CEP63: variants seen among roughly 807,000 people sequenced by gnomAD.
CEP63 encodes the protein centrosomal protein 63, also known as centrosomal protein of 63 kDa.
CEP63 carries 84 observed loss-of-function variants against 89.1 expected under a neutral mutation model. That is an observed-to-expected ratio of 0.94 (90% CI 0.79 to 1.13). The LOEUF (loss-of-function observed/expected upper bound fraction) is 1.13, where lower values mean the gene tolerates loss of function less well. CEP63 is among the 50% of genes most tolerant of loss of function. CEP63 has a pLI of 0.00. For synonymous variants in CEP63, 267 were observed against 272.5 expected (o/e 0.98, Z 0.20); for missense variants, 838 against 813.3 (o/e 1.03, Z -0.37).
chr3:134,715,523 T>G, the CEP63 span, among the ~76,000 whole-genome samples: 4 of 21,680 alleles, frequency 1.8e-4, no homozygotes, highest in African/African-American at 3.0e-4. Flanking sequence ...AGGTTTTTTT[T>G]TTTTGTTTTT....
chr3:134,782,370 G>T, the CEP63 span, among the ~76,000 whole-genome samples: 1 of 152,154 alleles, frequency 6.6e-6, no homozygotes, highest in Non-Finnish European at 1.5e-5. Context: ...GTGAAAATCA[G>T]TCTACTCAAA....
the CEP63 span, among the ~76,000 whole-genome samples, chr3:134,707,118 C>A: frequency 1.3e-5 from 2 of 152,186 alleles, no homozygotes; most frequent in Non-Finnish European, 2.9e-5. Flanking sequence ...TCAAATTCCA[C>A]CATTCATTCA....
chr3:134,536,586 G>T (rs1456683288), intron 5 of CEP63: 1 of 157,966 alleles, frequency 6.3e-6, no homozygotes, highest in Non-Finnish European at 1.4e-5. Context: ...GATTTTCTTT[G>T]TTATTCAAAC....
chr3:134,678,383 T>C, the CEP63 span, among the ~76,000 whole-genome samples: 7 of 152,310 alleles, frequency 4.6e-5, no homozygotes, highest in Admixed American at 1.3e-4. Flanking sequence ...CACAACCCTC[T>C]GGACTTGTCT....
At chr3:134,555,107 T>C (rs1017354381) in intron 12 of CEP63, among the ~76,000 whole-genome samples, 1 of 151,568 alleles carries the variant, frequency 6.6e-6, no homozygotes, top group African/African-American at 2.4e-5. Context: ...AAATTAGGTA[T>C]TGATGGGACG....
Position 134,496,055 on chromosome 3 carries a change from C to T in CEP63, c.44+691C>T, listed in dbSNP as rs576007942. ...AACATGGGGGTACAAGTATCCCTTT[C>T]ACATACTGATTTCCTTTCCTTTGGA... On this transcript the variant is annotated intron_variant, in intron 2 of 14. Transcript: ENST00000675561. 4.6e-5 allele frequency among the ~76,000 whole-genome samples: 7 copies of T among 152,306 alleles called. No homozygotes were observed. The South Asian group carries it at 1.4e-3, about 32-fold the overall frequency.
At chr3:134,522,674 C>T (rs779124932) in intron 3 of CEP63, among the ~76,000 whole-genome samples, 1 of 152,126 alleles carries the variant, frequency 6.6e-6, no homozygotes, top group Non-Finnish European at 1.5e-5. Flanking sequence ...CATGCGTTCT[C>T]ATCACTTAGC....
chr3:134,643,409 G>A, the CEP63 span: 1 of 1,593,154 alleles, frequency 6.3e-7, no homozygotes, highest in Non-Finnish European at 8.6e-7. Context: ...GGCCTGCAGT[G>A]ACCACTGGGG....
chr3:134,776,404 A>ATT, the CEP63 span, among the ~76,000 whole-genome samples: 3 of 151,824 alleles, frequency 2.0e-5, no homozygotes, highest in South Asian at 6.2e-4. Context: ...AAGATACTTA[A>ATT]TTTTTTTTTC....
chr3:134,762,813 C>A, the CEP63 span, among the ~76,000 whole-genome samples: 1 of 152,168 alleles, frequency 6.6e-6, no homozygotes, highest in African/African-American at 2.4e-5. Context: ...CAAATGAATA[C>A]CAGGGACTCC....
intron 2 of CEP63, among the ~76,000 whole-genome samples, chr3:134,506,529 C>T (rs563835028): frequency 6.6e-6 from 1 of 152,186 alleles, no homozygotes; most frequent in African/African-American, 2.4e-5. Flanking sequence ...AAACATCAAT[C>T]TTGTGCTTAA....
chr3:134,639,755 G>A, the CEP63 span: 1 of 150,732 alleles, frequency 6.6e-6, no homozygotes, highest in East Asian at 1.9e-4. Flanking sequence ...AGACCATTCT[G>A]AGCAACATAG....
the CEP63 span, among the ~76,000 whole-genome samples, chr3:134,711,186 G>T: frequency 6.6e-6 from 1 of 152,156 alleles, no homozygotes; most frequent in South Asian, 2.1e-4. Context: ...CAACTAAACA[G>T]ATTACTGTTC....
chr3:134,644,199 T>G, the CEP63 span, among the ~76,000 whole-genome samples: 1 of 152,106 alleles, frequency 6.6e-6, no homozygotes, highest in Admixed American at 6.5e-5. Flanking sequence ...CGGGATGATG[T>G]GTAGTTTGGT....
At chr3:134,648,115 CT>C in the CEP63 span, among the ~76,000 whole-genome samples, 1 of 152,236 alleles carries the variant, frequency 6.6e-6, no homozygotes, top group Non-Finnish European at 1.5e-5. Context: ...GGTCGAGTTC[CT>C]GGCACAGCAT....
the CEP63 span, among the ~76,000 whole-genome samples, chr3:134,738,658 C>T: frequency 6.6e-6 from 1 of 152,122 alleles, no homozygotes; most frequent in Non-Finnish European, 1.5e-5. Flanking sequence ...ACTACAAATA[C>T]AGTGCAGTGT....
chr3:134,705,098 C>T, the CEP63 span, among the ~76,000 whole-genome samples: 2 of 152,116 alleles, frequency 1.3e-5, no homozygotes, highest in Admixed American at 1.3e-4. Flanking sequence ...GCTAAGGGTC[C>T]CCAACCCTTT....
At chr3:134,724,359 G>A in the CEP63 span, among the ~76,000 whole-genome samples, 1 of 152,226 alleles carries the variant, frequency 6.6e-6, no homozygotes, top group Non-Finnish European at 1.5e-5. Context: ...GAGTTGGGAT[G>A]TATTTAGTTT....
At chr3:134,565,112 T>C (rs984283602), downstream of CEP63, 1 of 265,786 alleles carries the variant, frequency 3.8e-6, no homozygotes, top group Non-Finnish European at 5.8e-6. Context: ...GATTAGGGAT[T>C]TGTAGTCTAC....
Sources: allele counts gnomAD v4.1 joint callset (sites outside exome capture counted in the v4.1 genomes callset), GRCh38; gene constraint gnomAD v4.1.1; transcripts MANE v1.5; gene names NCBI Gene and HGNC (gene_info 2026-07-23, HGNC 2026-07-21).